Variants in SCN1A observed in about 807,000 individuals in gnomAD.
SCN1A encodes sodium channel protein type 1 subunit alpha.
SCN1A carries 13 observed loss-of-function variants against 193.7 expected under a neutral mutation model. The observed-to-expected ratio is 0.07, with a 90% CI of 0.04 to 0.11. SCN1A has a LOEUF of 0.11. SCN1A is among the 10% of genes least tolerant of loss of function. The pLI is 1.00. For synonymous variants in SCN1A, 781 were observed against 843.6 expected, an observed-to-expected ratio of 0.93 and a Z score of 1.29; for missense variants, 1,432 against 2,451.1, an observed-to-expected ratio of 0.58 and a Z score of 8.78.
chr2:166,050,285 T>C (rs1306252340), intron 9 of SCN1A, among the ~76,000 whole-genome samples: 3 of 151,832 alleles, frequency 2.0e-5, no homozygotes, highest in African/African-American at 7.2e-5. Flanking sequence ...TTAATTTTAA[T>C]AAATTTAATT....
chr2:166,012,100 G>A lies in SCN1A; in HGVS notation c.3879+9C>T, dbSNP rs570092799. On this transcript the variant is annotated intron_variant, in intron 22 of 28. Transcript: ENST00000674923. ...CTTGAACAGAGACAAAAATATGAAC[G>A]ATACCTACATCAACAATTAAGAAGT... 28 of 1,608,480 alleles carry A rather than the reference G, an allele frequency of 1.7e-5. No individual in the cohort carries two copies. The highest frequency in any genetic ancestry group is 4.5e-5 in the East Asian group (2 of 44,676).
rs1367975596 is a variant in SCN1A, at chr2:166,041,501, C to T, written c.2177-32G>A. The stretch of plus-strand genomic sequence containing the variant: ...TAAGAAAAAAAAAAAAAAGAACCAC[C>T]AAAAGGTATACTTTATACACACACA... On this transcript the variant is annotated intron_variant, in intron 15 of 28. Coordinates refer to ENST00000674923, the MANE Select transcript of SCN1A (RefSeq NM_001165963.4). 2.3e-6 allele frequency: 3 copies of T among 1,298,210 alleles called. No individual in the cohort carries two copies. The Admixed American group carries it at 5.5e-5, about 24-fold the overall frequency. The allele number at this position is 1,298,210 out of a possible 1,614,324, so 80.4% of individuals were successfully genotyped here. A position where few individuals can be genotyped will look rare whatever the true frequency, so the allele number is the denominator to read the frequency against.
At chr2:166,041,641 T>C (rs1172320787) in intron 15 of SCN1A, among the ~76,000 whole-genome samples, 172 bp from the exon 16 acceptor site, 1 of 152,184 alleles carries the variant, frequency 6.6e-6, no homozygotes, top group East Asian at 1.9e-4. Context: ...CCCAAGGATA[T>C]TTCATCAGAC....
intron 19 of SCN1A, among the ~76,000 whole-genome samples, chr2:166,035,664 C>T (rs1696230915): frequency 6.6e-6 from 1 of 152,144 alleles, no homozygotes; most frequent in Non-Finnish European, 1.5e-5. Flanking sequence ...TGTAGATTAG[C>T]CTACAGTTGG....
At chr2:166,087,377 A>T (rs565356726) in intron 2 of SCN1A, among the ~76,000 whole-genome samples, 36 of 152,170 alleles carry the variant, frequency 2.4e-4, no homozygotes, top group South Asian at 1.0e-3. Context: ...GAGGCAGGAG[A>T]ATCGCTTGAA....
rs185404976 is a variant in SCN1A at position 166,046,016 on chromosome 2, T to G, written c.1378-689A>C. Reference sequence around the variant, plus strand: ...GCTTTTTGATTATAGCTTGTACTGGTACTAAGTTGACACTTTTTTATTATT... The same window carrying G: ...GCTTTTTGATTATAGCTTGTACTGGGACTAAGTTGACACTTTTTTATTATT... On this transcript the variant is annotated intron_variant, in intron 12 of 28. Coordinates refer to ENST00000674923, the MANE Select transcript of SCN1A (RefSeq NM_001165963.4). Among the ~76,000 whole-genome samples the G allele has an allele frequency of 4.2e-3, 641 of 152,344 alleles. 4 individuals carry two copies. The highest frequency in any genetic ancestry group is 5.4e-3 in the Non-Finnish European group (365 of 68,028).
At chr2:166,133,663 C>T (rs1691748089) in intron 1 of SCN1A, among the ~76,000 whole-genome samples, 1 of 151,986 alleles carries the variant, frequency 6.6e-6, no homozygotes, top group Admixed American at 6.6e-5. Context: ...TATTTTTGAT[C>T]TTTTCTTCTT....
At chr2:166,134,351 A>C (rs1340931198) in intron 1 of SCN1A, among the ~76,000 whole-genome samples, 1 of 152,214 alleles carries the variant, frequency 6.6e-6, no homozygotes, top group Admixed American at 6.5e-5. Flanking sequence ...GTACATCAGC[A>C]CATAAGAAGC....
intron 19 of SCN1A, among the ~76,000 whole-genome samples, chr2:166,024,419 G>C (rs1232124469): frequency 2.0e-5 from 3 of 152,134 alleles, no homozygotes; most frequent in African/African-American, 7.2e-5. Context: ...ACCATGTTCT[G>C]AGATTTGTGT....
intron 2 of SCN1A, among the ~76,000 whole-genome samples, chr2:166,112,140 C>G (rs1559351699): frequency 6.6e-6 from 1 of 152,154 alleles, no homozygotes; most frequent in Non-Finnish European, 1.5e-5. Flanking sequence ...TGCTATCAAA[C>G]AGCATCACAT....
intron 12 of SCN1A, among the ~76,000 whole-genome samples, chr2:166,046,434 T>C (rs1391884244): frequency 6.6e-6 from 1 of 152,140 alleles, no homozygotes; most frequent in Non-Finnish European, 1.5e-5. Flanking sequence ...TGATAACCAA[T>C]AATTTCTTGT....
At chr2:166,062,947 T>C (rs1683468592) in intron 4 of SCN1A, among the ~76,000 whole-genome samples, 1 of 152,114 alleles carries the variant, frequency 6.6e-6, no homozygotes. Flanking sequence ...TCAAAGTTGG[T>C]GGTGGAGGAG....
At chr2:166,100,134 C>A (rs1687878226) in intron 2 of SCN1A, among the ~76,000 whole-genome samples, 2 of 136,622 alleles carry the variant, frequency 1.5e-5, no homozygotes, top group Non-Finnish European at 3.3e-5. Context: ...TACAGTAACC[C>A]AAACAGCATG....
intron 2 of SCN1A, chr2:166,092,750 A>T (rs992293665): frequency 6.6e-6 from 1 of 152,190 alleles, no homozygotes; most frequent in Admixed American, 6.5e-5. Flanking sequence ...GAATAAGAAT[A>T]GTCAGGTTCA....
chr2:166,136,733 G>A (rs557141158), intron 1 of SCN1A, among the ~76,000 whole-genome samples: 3 of 152,180 alleles, frequency 2.0e-5, no homozygotes, highest in Non-Finnish European at 4.4e-5. Flanking sequence ...GAGTGCCCAG[G>A]AACTAGCAAT....
intron 12 of SCN1A, among the ~76,000 whole-genome samples, chr2:166,046,226 G>A (rs999625839): frequency 5.3e-5 from 8 of 152,256 alleles, no homozygotes; most frequent in Admixed American, 1.3e-4. Context: ...ATAAAAACAA[G>A]TAATCCTTTT....
At chr2:166,011,450 G>C (rs527976191) in intron 22 of SCN1A, among the ~76,000 whole-genome samples, 1 of 151,112 alleles carries the variant, frequency 6.6e-6, no homozygotes, top group South Asian at 2.1e-4. Flanking sequence ...ATTCTATAAA[G>C]GGCTGTTTGG....
chr2:166,089,086 G>A (rs973756136), intron 2 of SCN1A, among the ~76,000 whole-genome samples: 2 of 152,072 alleles, frequency 1.3e-5, no homozygotes, highest in African/African-American at 2.4e-5. Flanking sequence ...TGTTACATAG[G>A]TATACACGTG....
intron 1 of SCN1A, among the ~76,000 whole-genome samples, chr2:166,136,633 T>C (rs537531054): frequency 2.6e-5 from 4 of 152,128 alleles, no homozygotes; most frequent in Non-Finnish European, 5.9e-5. Flanking sequence ...GCAGTCATGG[T>C]CCTAGCAGAA....
Sources: gnomAD v4.1 joint callset for allele counts (sites outside exome capture counted in the v4.1 genomes callset) on GRCh38, gnomAD v4.1.1 for gene constraint, MANE v1.5 for transcripts, NCBI Gene and HGNC (gene_info 2026-07-23, HGNC 2026-07-21) for gene names.